The following RGL1 variants were observed in gnomAD, a reference collection of about 807,000 sequenced individuals.
RGL1 encodes the protein ral guanine nucleotide dissociation stimulator-like 1.
A neutral mutation model predicts 95.2 loss-of-function variants in RGL1; 24 were observed. The ratio of observed to expected loss-of-function variants is 0.25; its 90% confidence interval spans 0.18 to 0.35. The LOEUF is 0.35. Ranked by LOEUF, RGL1 falls within the 10% of genes least tolerant of loss-of-function variation. The pLI, the probability that RGL1 is intolerant of heterozygous loss-of-function variation, is 1.00. For synonymous variants in RGL1, 329 were observed against 344.9 expected (o/e 0.95, Z 0.51); for missense variants, 715 against 936.3 (o/e 0.76, Z 3.08).
At chr1:183,819,746 C>G (rs1662327210) in intron 2 of RGL1, among the ~76,000 whole-genome samples, 1 of 150,692 alleles carries the variant, frequency 6.6e-6, no homozygotes, top group African/African-American at 2.4e-5. Context: ...TTTTTTAAAG[C>G]AATGCCATTC....
chr1:183,813,929 T>C (rs1026610864), intron 2 of RGL1, among the ~76,000 whole-genome samples: 1 of 152,310 alleles, frequency 6.6e-6, no homozygotes, highest in Non-Finnish European at 1.5e-5. Flanking sequence ...AAATGTCTTT[T>C]CACATTTTAT....
At chr1:183,665,065 A>T (rs1474322129) in intron 1 of RGL1, among the ~76,000 whole-genome samples, 1 of 152,112 alleles carries the variant, frequency 6.6e-6, no homozygotes, top group African/African-American at 2.4e-5. Flanking sequence ...CCTAGTTTGC[A>T]GAGAGTTTTT....
At chr1:183,885,391 G>C (rs1667055938) in intron 7 of RGL1, among the ~76,000 whole-genome samples, 1 of 152,170 alleles carries the variant, frequency 6.6e-6, no homozygotes, top group Admixed American at 6.5e-5. Context: ...TTGAAGAGCT[G>C]GTACTTCTTC....
In RGL1 at chr1:183,785,564, A is replaced by G. The variant is rs1660115550; in HGVS notation, c.133-20811A>G. Among the ~76,000 whole-genome samples the G allele has an allele frequency of 2.6e-5, 4 of 152,246 alleles. No homozygotes were observed. In the South Asian group the frequency reaches 8.3e-4, roughly 32 times the overall value. On this transcript the variant is annotated intron_variant, in intron 2 of 18. Coordinates refer to the RGL1 transcript ENST00000304685. ...TGTTCTTTGAAAATAGGAACTCTGT[A>G]TTGATCTTTATGTCATGTCCAGCAC...
chr1:183,907,144 T>C, intron 14 of RGL1, 43 bp downstream of exon 14: 1 of 1,217,390 alleles, frequency 8.2e-7, no homozygotes, highest in Non-Finnish European at 1.2e-6. Flanking sequence ...GAGGGTGCCA[T>C]CAGAGTCGTG....
intron 1 of RGL1, among the ~76,000 whole-genome samples, chr1:183,670,431 C>G (rs12040054): frequency 0.071 from 10,848 of 152,236 alleles, 663 homozygotes; most frequent in African/African-American, 0.17. Flanking sequence ...CTGATATTTG[C>G]TGTCAGGTAG....
Position 183,926,353 on chromosome 1 carries a change from G to T in RGL1, c.*61G>T. 1 of 1,427,404 alleles carries T rather than the reference G, an allele frequency of 7.0e-7. No homozygotes were observed. The highest frequency in any genetic ancestry group is 9.5e-7 in the Non-Finnish European group (1 of 1,048,318). 88.4% of individuals were successfully genotyped at this position (1,427,404 alleles called of 1,614,324 possible). A position where few individuals can be genotyped will look rare whatever the true frequency, so the allele number is the denominator to read the frequency against. On this transcript the variant is annotated 3_prime_UTR_variant, in exon 18 of 18. Coordinates refer to ENST00000360851, the MANE Select transcript of RGL1 (RefSeq NM_001297671.3). The stretch of plus-strand genomic sequence containing the variant: ...AGAGTGGGGCTGAGAAACAGGCTGC[G>T]GTGATTGCAATTACCATCCGGTGTT...
chr1:183,817,820 C>A (rs114423999), intron 2 of RGL1, among the ~76,000 whole-genome samples: 1 of 152,142 alleles, frequency 6.6e-6, no homozygotes, highest in Non-Finnish European at 1.5e-5. Flanking sequence ...GTGTAACACT[C>A]GTTTTTGTGC....
intron 16 of RGL1, among the ~76,000 whole-genome samples, chr1:183,919,400 A>T (rs1669184341): frequency 6.6e-6 from 1 of 152,226 alleles, no homozygotes; most frequent in South Asian, 2.1e-4. Flanking sequence ...CAGCAATTCC[A>T]TCCACCATAG....
intron 2 of RGL1, among the ~76,000 whole-genome samples, chr1:183,821,327 A>G (rs1229915955): frequency 6.6e-6 from 1 of 152,234 alleles, no homozygotes; most frequent in Non-Finnish European, 1.5e-5. Context: ...TGGGCTAAAA[A>G]TCAATATTTT....
At chr1:183,648,790 T>A (rs1328252244) in intron 1 of RGL1, 20 of 1,570,120 alleles carry the variant, frequency 1.3e-5, no homozygotes, top group Non-Finnish European at 1.4e-5. Flanking sequence ...ATTGCTAGAT[T>A]TACTGTCTTC....
chr1:183,794,300 G>T (rs1660589531), intron 2 of RGL1, among the ~76,000 whole-genome samples: 3 of 152,174 alleles, frequency 2.0e-5, no homozygotes, highest in African/African-American at 7.2e-5. Flanking sequence ...TGGAGAGGGG[G>T]ATGAAGAAGA....
chr1:183,662,063 A>G (rs1306898705), intron 1 of RGL1, among the ~76,000 whole-genome samples: 4 of 150,256 alleles, frequency 2.7e-5, no homozygotes, highest in Non-Finnish European at 5.9e-5. Context: ...ACATATTTCA[A>G]GATAATAAGA....
In RGL1 at chr1:183,915,088, G is replaced by A. The variant is rs183119690; in HGVS notation, c.1750-1359G>A. On this transcript the variant is annotated intron_variant, in intron 15 of 17. Transcript: ENST00000360851. ...CCCATGAGAATTGTCACATCAGCTG[G>A]CTGGCTGTAAACTAACTGTGCAATA... Among the ~76,000 whole-genome samples the A allele has an allele frequency of 3.8e-3, 575 of 152,236 alleles. 2 individuals are homozygous for A. The highest frequency in any genetic ancestry group is 0.02 in the Middle Eastern group (6 of 294).
At chr1:183,640,460 A>AACCTTTATTATTTCAAAAAC (rs1286690673) in intron 1 of RGL1, among the ~76,000 whole-genome samples, 1 of 152,022 alleles carries the variant, frequency 6.6e-6, no homozygotes, top group Non-Finnish European at 1.5e-5. Flanking sequence ...ACTTTCATAA[A>AACCTTTATTATTTCAAAAAC]CCTTTATTTA....
intron 1 of RGL1, among the ~76,000 whole-genome samples, chr1:183,682,383 T>C (rs1479124070): frequency 6.6e-6 from 1 of 152,250 alleles, no homozygotes; most frequent in African/African-American, 2.4e-5. Flanking sequence ...TTCTCATTGA[T>C]TTCAAAGAAC....
intron 1 of RGL1, among the ~76,000 whole-genome samples, chr1:183,699,671 G>A (rs12753772): frequency 0.48 from 72,105 of 151,500 alleles, 17,752 homozygotes; most frequent in East Asian, 0.76. Flanking sequence ...TATTTCCCTC[G>A]CTGCTGCTGG....
chr1:183,776,641 T>A (rs1572399137), intron 2 of RGL1, among the ~76,000 whole-genome samples: 1 of 151,546 alleles, frequency 6.6e-6, no homozygotes, highest in Non-Finnish European at 1.5e-5. Flanking sequence ...AGGCGGGGAG[T>A]GTCCCATGGA....
rs569599879 is a variant in RGL1, at chr1:183,776,546, CG to C, written c.133-29827del. Among the ~76,000 whole-genome samples the C allele has an allele frequency of 2.3e-3, 349 of 152,066 alleles. 1 individual carries two copies. The highest frequency in any genetic ancestry group is 2.1e-3 in the East Asian group (11 of 5,178). On this transcript the variant is annotated intron_variant, in intron 2 of 18. Transcript: ENST00000304685. ...ACATTTTACCTGGATTTAGGAGATTCGGAAAAGCTAAGAGGAATTAATGATG... is the reference window on the plus strand; with the variant it reads ...ACATTTTACCTGGATTTAGGAGATTCGAAAAGCTAAGAGGAATTAATGATG...
Sources: gnomAD v4.1 joint callset for allele counts (sites outside exome capture counted in the v4.1 genomes callset) on GRCh38, gnomAD v4.1.1 for gene constraint, MANE v1.5 for transcripts, NCBI Gene and HGNC (gene_info 2026-07-23, HGNC 2026-07-21) for gene names.